Variants in NRXN3 observed in about 807,000 individuals in gnomAD.
The protein encoded by NRXN3 is neurexin 3.
NRXN3 carries 32 observed loss-of-function variants against 137.6 expected under a neutral mutation model. That is an observed-to-expected ratio of 0.23 (90% CI 0.18 to 0.31). The LOEUF (loss-of-function observed/expected upper bound fraction) is 0.31. NRXN3 is among the 10% of genes least tolerant of loss of function. The pLI, the probability that NRXN3 is intolerant of heterozygous loss-of-function variation, is 1.00. For synonymous variants in NRXN3, 798 were observed against 784.5 expected (o/e 1.02, Z -0.29); for missense variants, 1,574 against 2,062.5 (o/e 0.76, Z 4.59).
intron 4 of NRXN3, among the ~76,000 whole-genome samples, chr14:78,411,001 G>T (rs964247310): frequency 6.6e-6 from 1 of 152,038 alleles, no homozygotes; most frequent in Non-Finnish European, 1.5e-5. Flanking sequence ...AATCTCGCTG[G>T]GTCTAGATTT....
chr14:79,794,113 C>T (rs1266240426), intron 19 of NRXN3, among the ~76,000 whole-genome samples: 1 of 152,126 alleles, frequency 6.6e-6, no homozygotes, highest in East Asian at 1.9e-4. Flanking sequence ...GCCTGTAATC[C>T]CAGCACTTTG....
chr14:79,649,144 CA>C (rs2098464260), intron 16 of NRXN3, among the ~76,000 whole-genome samples: 1 of 152,098 alleles, frequency 6.6e-6, no homozygotes, highest in Non-Finnish European at 1.5e-5. Flanking sequence ...TGACCTTAAT[CA>C]CTCCCTCAAT....
chr14:79,657,220 G>A (rs2098510790), intron 16 of NRXN3, among the ~76,000 whole-genome samples: 1 of 152,108 alleles, frequency 6.6e-6, no homozygotes, highest in East Asian at 1.9e-4. Context: ...GGATAGTTGA[G>A]GGACCTGCTC....
intron 15 of NRXN3, among the ~76,000 whole-genome samples, chr14:79,161,390 C>A (rs1023482301): frequency 1.3e-5 from 2 of 151,922 alleles, no homozygotes; most frequent in Non-Finnish European, 2.9e-5. Context: ...GTGTCTCTGT[C>A]AATTGTATTC....
At chr14:78,860,968 G>A (rs1436105575) in intron 10 of NRXN3, among the ~76,000 whole-genome samples, 2 of 152,058 alleles carry the variant, frequency 1.3e-5, no homozygotes, top group Non-Finnish European at 2.9e-5. Flanking sequence ...TTCAGGGGTC[G>A]ACTGTACCTT....
chr14:78,480,140 G>A (rs1277367138), intron 4 of NRXN3, among the ~76,000 whole-genome samples: 1 of 152,010 alleles, frequency 6.6e-6, no homozygotes, highest in Non-Finnish European at 1.5e-5. Context: ...GACCCTCAAA[G>A]AAACAAACAA....
intron 15 of NRXN3, among the ~76,000 whole-genome samples, chr14:79,259,529 A>G (rs1008775078): frequency 1.3e-5 from 2 of 149,022 alleles, no homozygotes; most frequent in African/African-American, 2.4e-5. Context: ...ATGTATCTAC[A>G]TATATATAGT....
At chr14:79,153,653 A>T (rs2059996692) in intron 15 of NRXN3, among the ~76,000 whole-genome samples, 1 of 151,966 alleles carries the variant, frequency 6.6e-6, no homozygotes. Flanking sequence ...TCTCAGGAGA[A>T]CATACAGCTA....
chr14:79,574,222 CCACA>C (rs139060549), intron 16 of NRXN3, among the ~76,000 whole-genome samples: 38 of 147,708 alleles, frequency 2.6e-4, no homozygotes, highest in African/African-American at 8.9e-4. Flanking sequence ...GTGCATGCAC[CCACA>C]CACACACACA....
At chr14:78,965,334 C>T (rs192597868) in intron 11 of NRXN3, among the ~76,000 whole-genome samples, 1 of 152,226 alleles carries the variant, frequency 6.6e-6, no homozygotes, top group Admixed American at 6.5e-5. Context: ...CCTAAGCCCC[C>T]CAGGTGATTC....
intron 16 of NRXN3, among the ~76,000 whole-genome samples, chr14:79,506,178 A>G (rs1029395801): frequency 6.6e-6 from 1 of 152,200 alleles, no homozygotes; most frequent in African/African-American, 2.4e-5. Flanking sequence ...GGTTAAGCAA[A>G]TTACAGGTCT....
intron 15 of NRXN3, among the ~76,000 whole-genome samples, chr14:79,328,062 A>T (rs2091157215): frequency 6.6e-6 from 1 of 152,196 alleles, no homozygotes; most frequent in South Asian, 2.1e-4. Context: ...GTGTGACTCT[A>T]CCATGGTGCA....
At chr14:79,860,530 G>A (rs1445707437) in intron 20 of NRXN3, among the ~76,000 whole-genome samples, 4 of 152,162 alleles carry the variant, frequency 2.6e-5, no homozygotes, top group African/African-American at 9.7e-5. Context: ...AAACACAAAA[G>A]ACACAATCTT....
chr14:78,883,307 A>G (rs1273876342), intron 10 of NRXN3, among the ~76,000 whole-genome samples: 2 of 152,162 alleles, frequency 1.3e-5, no homozygotes, highest in Non-Finnish European at 2.9e-5. Context: ...AATTCTTTTC[A>G]CCTTCTGTAA....
chr14:78,848,884 G>A (rs560577554), intron 10 of NRXN3, among the ~76,000 whole-genome samples: 13 of 152,092 alleles, frequency 8.5e-5, no homozygotes, highest in Admixed American at 3.9e-4. Flanking sequence ...TGAAGGATGG[G>A]TAAGATTAGA....
chr14:78,912,823 C>T (rs1384184460), intron 10 of NRXN3, among the ~76,000 whole-genome samples: 1 of 152,112 alleles, frequency 6.6e-6, no homozygotes, highest in Non-Finnish European at 1.5e-5. Context: ...GGATTATAGC[C>T]TTTTCTGGAA....
intron 15 of NRXN3, among the ~76,000 whole-genome samples, chr14:79,055,756 T>G (rs902969773): frequency 6.6e-6 from 1 of 152,042 alleles, no homozygotes; most frequent in Admixed American, 6.6e-5. Context: ...AAATTTTAAG[T>G]AGGGAAAGGT....
At chr14:79,409,617 CTATA>C (rs796485268) in intron 15 of NRXN3, among the ~76,000 whole-genome samples, 4,425 of 112,048 alleles carry the variant, frequency 0.039, 152 homozygotes, top group African/African-American at 0.079. Flanking sequence ...GTGTGTGTGT[CTATA>C]TATATATATA....
At chr14:79,038,897 T>C (rs1449045484) in intron 15 of NRXN3, among the ~76,000 whole-genome samples, 1 of 152,124 alleles carries the variant, frequency 6.6e-6, no homozygotes. Context: ...CCATAAAGTA[T>C]GATTTATTTA....
Sources: gnomAD v4.1 joint callset for allele counts (sites outside exome capture counted in the v4.1 genomes callset) on GRCh38, gnomAD v4.1.1 for gene constraint, MANE v1.5 for transcripts, NCBI Gene and HGNC (gene_info 2026-07-23, HGNC 2026-07-21) for gene names.